Variants in KCNG2 observed in about 807,000 individuals in gnomAD.
The protein encoded by KCNG2 is potassium voltage-gated channel modifier subfamily G member 2, also known as voltage-gated potassium channel regulatory subunit KCNG2.
KCNG2 carries 7 observed loss-of-function variants against 12.3 expected under a neutral mutation model. The ratio of observed to expected loss-of-function variants is 0.57; its 90% CI spans 0.32 to 1.07. The LOEUF (loss-of-function observed/expected upper bound fraction) is 1.07. Among genes scored for constraint, KCNG2 ranks in the 50% least tolerant of loss-of-function variants. The probability of loss-of-function intolerance (pLI) is 0.04; values close to 1 mark genes in which losing one functional copy is unlikely to be tolerated. For synonymous variants in KCNG2, 414 were observed against 351.4 expected (o/e 1.18, Z -1.99); for missense variants, 703 against 726.0 (o/e 0.97, Z 0.36).
intron 1 of KCNG2, among the ~76,000 whole-genome samples, chr18:79,817,737 G>A (rs763608247): frequency 6.6e-6 from 1 of 152,182 alleles, no homozygotes. Context: ...GCTGCCCCTC[G>A]GTGGGAAAGC....
intron 1 of KCNG2, among the ~76,000 whole-genome samples, chr18:79,833,360 C>T (rs1198638149): frequency 6.6e-6 from 1 of 152,174 alleles, no homozygotes; most frequent in African/African-American, 2.4e-5. Flanking sequence ...TGGCTGGTCT[C>T]AAACTCCTGG....
intron 1 of KCNG2, among the ~76,000 whole-genome samples, chr18:79,804,332 T>C (rs2087432895): frequency 2.0e-5 from 3 of 152,168 alleles, no homozygotes; most frequent in African/African-American, 7.2e-5. Context: ...CTGCATGGGG[T>C]ATGCACACGG....
At chr18:79,864,545 G>T (rs183939945) in intron 3 of KCNG2, among the ~76,000 whole-genome samples, 3 of 152,356 alleles carry the variant, frequency 2.0e-5, no homozygotes, top group Admixed American at 6.5e-5. Context: ...GTTACATTCG[G>T]TTTCCGACGC....
At chr18:79,818,180 G>A (rs1000095094) in intron 1 of KCNG2, among the ~76,000 whole-genome samples, 1 of 152,246 alleles carries the variant, frequency 6.6e-6, no homozygotes, top group Non-Finnish European at 1.5e-5. Context: ...GGCCACCCGG[G>A]AGAGGCAATG....
At chr18:79,852,649 C>T (rs1357886386) in intron 1 of KCNG2, among the ~76,000 whole-genome samples, 2 of 152,250 alleles carry the variant, frequency 1.3e-5, no homozygotes, top group Admixed American at 6.5e-5. Context: ...ATGCGGATGG[C>T]GGCTCACCAG....
intron 3 of KCNG2, among the ~76,000 whole-genome samples, chr18:79,885,885 G>A (rs868803006): frequency 1.0e-4 from 2 of 19,080 alleles, no homozygotes; most frequent in Non-Finnish European, 3.6e-4. Flanking sequence ...TGGGGACGGG[G>A]ACATGGGGAC....
chr18:79,895,331 A>G lies in KCNG2; in HGVS notation c.625-3709A>G, dbSNP rs147926996. Among the ~76,000 whole-genome samples the G allele has an allele frequency of 2.0e-4, 31 of 151,632 alleles. 1 individual carries two copies. In the East Asian group the frequency reaches 5.0e-3, roughly 25 times the overall value. The stretch of plus-strand genomic sequence containing the variant: ...ATTCACATTTAATGTTACAATTCAT[A>G]TAGTTGAGTCTGTGTCTGCTTTTGA... On this transcript the variant is annotated intron_variant, in intron 3 of 3. Transcript: ENST00000316249.
At chr18:79,824,666 C>T (rs1164285629) in intron 1 of KCNG2, among the ~76,000 whole-genome samples, 2 of 152,140 alleles carry the variant, frequency 1.3e-5, no homozygotes, top group African/African-American at 4.8e-5. Flanking sequence ...TGGTGAAATA[C>T]CCATCAACGC....
intron 1 of KCNG2, among the ~76,000 whole-genome samples, chr18:79,835,844 A>G (rs1978321005): frequency 6.6e-6 from 1 of 152,252 alleles, no homozygotes; most frequent in Non-Finnish European, 1.5e-5. Flanking sequence ...CCAGTGGACC[A>G]TGACAGGTTG....
intron 3 of KCNG2, among the ~76,000 whole-genome samples, chr18:79,892,130 AAC>A (rs1980764946): frequency 8.6e-6 from 1 of 116,228 alleles, no homozygotes. Flanking sequence ...AAAAAAAAAA[AAC>A]AACACAGTGC....
intron 1 of KCNG2, among the ~76,000 whole-genome samples, chr18:79,817,592 G>T (rs1227479942): frequency 6.6e-6 from 1 of 152,122 alleles, no homozygotes; most frequent in African/African-American, 2.4e-5. Context: ...CACACAGATG[G>T]TTGTCACACC....
chr18:79,848,925 T>C (rs935616875), intron 1 of KCNG2, among the ~76,000 whole-genome samples: 4 of 152,100 alleles, frequency 2.6e-5, no homozygotes, highest in African/African-American at 9.7e-5. Context: ...CGGCATAGGC[T>C]GTTAGGGGTT....
rs543596500 is a variant in KCNG2 at position 79,812,768 on chromosome 18, C to T, written c.-115+14754C>T. ...CCCAGCTACTCAGGAGGCTGAGGCGCGAGAATCACTTGAACCCAGGAGGCA... is the reference window on the plus strand; with the variant it reads ...CCCAGCTACTCAGGAGGCTGAGGCGTGAGAATCACTTGAACCCAGGAGGCA... On this transcript the variant is annotated intron_variant, in intron 1 of 3. Coordinates refer to ENST00000316249, the MANE Select transcript of KCNG2 (RefSeq NM_012283.2). Among the ~76,000 whole-genome samples the T allele has an allele frequency of 2.6e-4, 39 of 152,022 alleles. 1 individual carries two copies. The highest frequency in any genetic ancestry group is 6.5e-4 in the Admixed American group (10 of 15,274).
intron 1 of KCNG2, among the ~76,000 whole-genome samples, chr18:79,821,096 C>T (rs1185737978): frequency 6.6e-6 from 1 of 152,052 alleles, no homozygotes; most frequent in Non-Finnish European, 1.5e-5. Flanking sequence ...TGATAGTGTC[C>T]TCGGATGCAC....
intron 1 of KCNG2, among the ~76,000 whole-genome samples, chr18:79,831,642 A>G (rs554895507): frequency 4.9e-5 from 6 of 122,562 alleles, no homozygotes; most frequent in African/African-American, 1.7e-4. Flanking sequence ...CTTCGTCAGG[A>G]GCGTGCCCTG....
chr18:79,864,244 G>A lies in KCNG2; in HGVS notation c.577G>A (p.Gly193Ser). ...GTCCTTCGTGGCCGTCACGGCCGTG[G>A]GCCTCTGCCTGAGCACCATGCCGGA... ...SVSFVAVTAV[G>S]LCLSTMPDIR... The change falls in exon 3 of 4, where the codon GGC (glycine) becomes AGC (serine). Residue 193 changes from glycine to serine, a missense_variant. Coordinates refer to ENST00000316249, the MANE Select transcript of KCNG2 (RefSeq NM_012283.2). 1.3e-6 allele frequency: 2 copies of A among 1,552,420 alleles called. No homozygotes were observed. Among genetic ancestry groups the A allele is most frequent in the Middle Eastern group, 2.0e-4 (1 of 4,998 alleles).
chr18:79,893,501 T>C (rs1405031339), intron 3 of KCNG2, among the ~76,000 whole-genome samples: 1 of 152,226 alleles, frequency 6.6e-6, no homozygotes, highest in African/African-American at 2.4e-5. Context: ...GTGTCTGCTT[T>C]TGATTGCGTT....
At chr18:79,841,749 G>A (rs2123037826) in intron 1 of KCNG2, among the ~76,000 whole-genome samples, 1 of 152,284 alleles carries the variant, frequency 6.6e-6, no homozygotes, top group Middle Eastern at 3.4e-3. Context: ...CATACTCTTA[G>A]AGAAACAGTT....
chr18:79,868,797 C>T (rs1022286198), intron 3 of KCNG2, among the ~76,000 whole-genome samples: 2 of 152,220 alleles, frequency 1.3e-5, no homozygotes, highest in African/African-American at 4.8e-5. Flanking sequence ...AAGCCTCAGA[C>T]GAGCCAAATC....
Sources: allele counts gnomAD v4.1 joint callset (sites outside exome capture counted in the v4.1 genomes callset), GRCh38; gene constraint gnomAD v4.1.1; transcripts MANE v1.5; gene names NCBI Gene and HGNC (gene_info 2026-07-23, HGNC 2026-07-21).